VAC14: variants seen among roughly 807,000 people sequenced by gnomAD.
VAC14 encodes VAC14 component of PIKFYVE complex, also known as protein VAC14 homolog.
VAC14 carries 47 observed loss-of-function variants against 85.3 expected under a neutral mutation model. The ratio of observed to expected loss-of-function variants is 0.55; its 90% CI spans 0.44 to 0.70. The LOEUF is 0.70. Ranked by LOEUF, VAC14 falls within the 30% of genes least tolerant of loss-of-function variation. The pLI, the probability that VAC14 is intolerant of heterozygous loss-of-function variation, is 0.00. For missense variants in VAC14, 861 were observed against 1,004.3 expected (o/e 0.86, Z 1.93); for synonymous variants, 447 against 430.5 (o/e 1.04, Z -0.47).
intron 16 of VAC14, chr16:70,695,826 C>A: frequency 1.9e-6 from 1 of 537,716 alleles, no homozygotes; most frequent in Non-Finnish European, 3.4e-6. Context: ...TCAGGAGTTC[C>A]AGGTTCCACT....
intron 14 of VAC14, among the ~76,000 whole-genome samples, chr16:70,725,217 G>A (rs1206044702): frequency 6.6e-6 from 1 of 152,232 alleles, no homozygotes; most frequent in Non-Finnish European, 1.5e-5. Context: ...AGAGTGAGGA[G>A]GGGGTCCCGA....
At chr16:70,705,128 G>A (rs535781744) in intron 14 of VAC14, among the ~76,000 whole-genome samples, 1 of 152,154 alleles carries the variant, frequency 6.6e-6, no homozygotes, top group African/African-American at 2.4e-5. Context: ...CTGGCCCCCC[G>A]CCCCCACCTG....
chr16:70,766,539 A>C, intron 10 of VAC14: 1 of 456,780 alleles, frequency 2.2e-6, no homozygotes, highest in Non-Finnish European at 4.4e-6. Flanking sequence ...CATCACTAAA[A>C]GGAACCTCAT....
At chr16:70,760,552 T>C (rs200352606) in intron 12 of VAC14, among the ~76,000 whole-genome samples, 2 of 151,674 alleles carry the variant, frequency 1.3e-5, no homozygotes, top group African/African-American at 4.9e-5. Context: ...ATGGTACCCC[T>C]CAACTGTCCC....
intron 12 of VAC14, among the ~76,000 whole-genome samples, chr16:70,745,512 T>TGC (rs985683976): frequency 4.1e-5 from 6 of 144,874 alleles, no homozygotes; most frequent in Non-Finnish European, 8.9e-5. Flanking sequence ...TGTGTGTGTG[T>TGC]GTGTGTGCGC....
chr16:70,694,679 T>C (rs1411415737), intron 17 of VAC14, among the ~76,000 whole-genome samples: 1 of 152,222 alleles, frequency 6.6e-6, no homozygotes, highest in East Asian at 1.9e-4. Context: ...CTGGCTTCTC[T>C]GCACATTATA....
At chr16:70,705,156 C>T (rs936971849) in intron 14 of VAC14, among the ~76,000 whole-genome samples, 1 of 152,178 alleles carries the variant, frequency 6.6e-6, no homozygotes, top group Non-Finnish European at 1.5e-5. Flanking sequence ...ACTGTTAGGA[C>T]GCTGAGCCAT....
Position 70,785,777 on chromosome 16 carries a change from G to A in VAC14, c.348C>T (p.Ala116=), listed in dbSNP as rs1436841250. The part of the protein sequence containing the change: ...DSRLRYYACE[A]LYNIVKVARG... ...GGGCCACCTTGACGATGTTGTAGAG[G>A]GCCTCGCAGGCATAGTAGCGCAGCC... is the stretch of plus-strand genomic sequence containing the variant. The change falls in exon 3 of 19, where the codon GCC becomes GCT. Residue 116 remains alanine, a synonymous_variant. Coordinates refer to ENST00000261776, the MANE Select transcript of VAC14 (RefSeq NM_018052.5). 3 of 1,587,376 alleles carry A rather than the reference G, an allele frequency of 1.9e-6. No homozygotes were observed. Among genetic ancestry groups the A allele is most frequent in the East Asian group, 4.6e-5 (2 of 43,826 alleles).
At chr16:70,776,365 C>T (rs1216405873) in intron 9 of VAC14, among the ~76,000 whole-genome samples, 1 of 152,124 alleles carries the variant, frequency 6.6e-6, no homozygotes, top group Non-Finnish European at 1.5e-5. Context: ...CCGCCTCAGC[C>T]TCCCAAAGTA....
At chr16:70,746,994 G>A (rs2030950080) in intron 12 of VAC14, 1 of 152,216 alleles carries the variant, frequency 6.6e-6, no homozygotes, top group Non-Finnish European at 1.5e-5. Context: ...CAGTTACCAA[G>A]AGAACTGCAA....
At position 70,783,515 on chromosome 16, in the gene VAC14, C is replaced by T. The variant is rs962554358; in HGVS notation, c.634G>A (p.Asp212Asn). Residue 212 changes from aspartate to asparagine, a missense_variant, in exon 6 of 19, where the codon GAT becomes AAT. Around this residue, in one of 3 missense-constraint regions of VAC14, gnomAD observed 629 missense variants for 703.1 expected, o/e 0.89. Transcript: ENST00000261776. ...CCATCCAGGATCTCCGGCAGGTAAT[C>T]CAGCAGGTTAATGTCTGGCACCGAC... The part of the protein sequence containing the change: ...LESVPDINLL[D>N]YLPEILDGLF... 1.2e-6 allele frequency: 2 copies of T among 1,613,912 alleles called. No individual in the cohort carries two copies. The highest frequency in any genetic ancestry group is 1.7e-6 in the Non-Finnish European group (2 of 1,180,036).
chr16:70,776,095 C>G (rs1020252701), intron 9 of VAC14, among the ~76,000 whole-genome samples: 1 of 152,090 alleles, frequency 6.6e-6, no homozygotes, highest in Admixed American at 6.6e-5. Flanking sequence ...ACCATAAGAA[C>G]TATTGTAGCA....
chr16:70,693,776 T>C (rs1431102875), intron 17 of VAC14, among the ~76,000 whole-genome samples: 1 of 152,214 alleles, frequency 6.6e-6, no homozygotes, highest in Non-Finnish European at 1.5e-5. Flanking sequence ...CTTCCTTGTG[T>C]CCCTAGGCCC....
In VAC14 at chr16:70,786,798, A is replaced by G. The variant is rs74685481; in HGVS notation, c.105-433T>C. Reference sequence around the variant, plus strand: ...TGAATCAGGCCCCAGTGTAATGGGTAAGAGCCACATGCCAACAAATAATTG... The same window carrying G: ...TGAATCAGGCCCCAGTGTAATGGGTGAGAGCCACATGCCAACAAATAATTG... On this transcript the variant is annotated intron_variant, in intron 1 of 18. Coordinates refer to ENST00000261776, the MANE Select transcript of VAC14 (RefSeq NM_018052.5). Among the ~76,000 whole-genome samples the G allele has an allele frequency of 3.4e-3, 520 of 152,322 alleles. 9 individuals carry two copies. The highest frequency in any genetic ancestry group is 0.028 in the Admixed American group (422 of 15,306).
Position 70,698,293 on chromosome 16 carries a change from G to A in VAC14, c.1836+344C>T, listed in dbSNP as rs545958577. ...TAAGAGGGTGGCACCACCATGCAGGGTGGGCCCACGGCCAGCAGAGCCTCT... is the reference window on the plus strand; with the variant it reads ...TAAGAGGGTGGCACCACCATGCAGGATGGGCCCACGGCCAGCAGAGCCTCT... On this transcript the variant is annotated intron_variant, in intron 15 of 18. Coordinates refer to ENST00000261776, the MANE Select transcript of VAC14 (RefSeq NM_018052.5). 3.9e-5 allele frequency among the ~76,000 whole-genome samples: 6 copies of A among 152,340 alleles called. No homozygotes were observed. The East Asian group carries it at 1.2e-3, about 29-fold the overall frequency.
At chr16:70,786,483 G>A in intron 1 of VAC14, 118 bp from the exon 2 acceptor site, 3 of 1,339,378 alleles carry the variant, frequency 2.2e-6, no homozygotes, top group Non-Finnish European at 3.1e-6. Flanking sequence ...ATGGGAGACA[G>A]GCGTCTCAGG....
chr16:70,784,067 T>A (rs763933356), intron 5 of VAC14, 46 bp downstream of exon 5: 2 of 1,553,938 alleles, frequency 1.3e-6, no homozygotes, highest in East Asian at 2.2e-5. Context: ...AGAGAGCAGA[T>A]TTTCCAAACT....
chr16:70,738,578 CCTGCTGGTGGAGCAGGGGGGCTGGA>C (rs1471906458), intron 13 of VAC14, among the ~76,000 whole-genome samples: 4 of 152,186 alleles, frequency 2.6e-5, no homozygotes, highest in Admixed American at 2.0e-4. Context: ...GAAGGCACCC[CCTGCTGGTGGAGCAGGGGGGCTGGA>C]CTGCTGGGGC....
intron 14 of VAC14, among the ~76,000 whole-genome samples, chr16:70,705,323 G>C (rs2053900787): frequency 6.6e-6 from 1 of 152,232 alleles, no homozygotes; most frequent in Non-Finnish European, 1.5e-5. Flanking sequence ...TTCAGCCTGG[G>C]AGGAGGAGAG....
Sources: allele counts gnomAD v4.1 joint callset (sites outside exome capture counted in the v4.1 genomes callset), GRCh38; gene constraint gnomAD v4.1.1; regional missense constraint gnomAD v4.1.1; transcripts MANE v1.5; gene names NCBI Gene and HGNC (gene_info 2026-07-23, HGNC 2026-07-21).